Variants in ENPP7 observed in about 807,000 individuals in gnomAD.
The protein encoded by ENPP7 is ectonucleotide pyrophosphatase/phosphodiesterase 7, also known as ectonucleotide pyrophosphatase/phosphodiesterase family member 7.
ENPP7 carries 39 observed loss-of-function variants against 33.6 expected under a neutral mutation model. That is an observed-to-expected ratio of 1.16 (90% CI 0.90 to 1.52). The LOEUF (loss-of-function observed/expected upper bound fraction) is 1.52. Ranked by LOEUF, ENPP7 falls within the 40% of genes most tolerant of loss-of-function variation. ENPP7 has a pLI of 0.00. For synonymous variants in ENPP7, 244 were observed against 274.3 expected (o/e 0.89, Z 1.09); for missense variants, 594 against 641.0 (o/e 0.93, Z 0.79).
In ENPP7 at chr17:79,731,122, C is replaced by T; in HGVS notation, c.-18C>T. 1 of 1,599,016 alleles carries T rather than the reference C, an allele frequency of 6.3e-7. No homozygotes were observed. Among genetic ancestry groups the T allele is most frequent in the Non-Finnish European group, 8.5e-7 (1 of 1,175,100 alleles). On this transcript the variant is annotated 5_prime_UTR_variant, in exon 1 of 6. Transcript: ENST00000328313. ...AGCCCTGTGCACCCTGTGTGCCTGT[C>T]CATCTGGAAGGCCCAGCATGAGAGG...
chr17:79,732,536 G>A (rs9901412), intron 1 of ENPP7, among the ~76,000 whole-genome samples: 4,272 of 152,160 alleles, frequency 0.028, 191 homozygotes, highest in African/African-American at 0.096. Context: ...CACCCGGAAG[G>A]TTCCAGCAGA....
intron 1 of ENPP7, 61 bp from the exon 2 acceptor site, chr17:79,733,447 G>A: frequency 6.4e-7 from 1 of 1,564,016 alleles, no homozygotes. Context: ...CCAGCCCTGG[G>A]TCCGGCCTTC....
Position 79,741,936 on chromosome 17 carries a change from G to C in ENPP7, c.*159G>C, listed in dbSNP as rs1477932025. ...TCCCCGGCAGCGCCAACCCCTGCTT[G>C]GCTGTTATGGTGCTGGTAATAAGCC... On this transcript the variant is annotated 3_prime_UTR_variant, in exon 6 of 6. Transcript: ENST00000328313. The C allele has an allele frequency of 3.0e-6, 3 of 985,500 alleles. No individual in the cohort carries two copies. The highest frequency in any genetic ancestry group is 3.5e-5 in the African/African-American group (2 of 57,220). The allele number at this position is 985,500 out of a possible 1,614,324, so 61.0% of individuals were successfully genotyped here. A position where few individuals can be genotyped will look rare whatever the true frequency, so the allele number is the denominator to read the frequency against.
chr17:79,735,215 T>C lies in ENPP7; in HGVS notation c.572T>C (p.Val191Ala). The change falls in exon 3 of 6, where the codon GTC becomes GCC. Residue 191 changes from valine to alanine, a missense_variant. Val to Ala is a moderately conservative substitution (Grantham distance 64). Coordinates refer to ENST00000328313, the MANE Select transcript of ENPP7 (RefSeq NM_178543.5). This position sits in a 1 kb window ranked among gnomAD's most constrained non-coding sequence, Gnocchi z 5.5. ...AWFTEEDLDL[V>A]TLYFGEPDST... ...TTCACAGAGGAGGACCTGGATCTGG[T>C]CACACTCTACTTCGGGGAGCCGGAC... is the stretch of plus-strand genomic sequence containing the variant. The C allele has an allele frequency of 6.2e-7, 1 of 1,613,366 alleles. No homozygotes were observed. The highest frequency in any genetic ancestry group is 8.5e-7 in the Non-Finnish European group (1 of 1,180,004).
rs1555824269 is a variant in ENPP7 at position 79,739,748 on chromosome 17, A to G, written c.*16+1686A>G. On this transcript the variant is annotated intron_variant, in intron 5 of 5. Transcript: ENST00000328313. This position sits in a 1 kb window ranked among gnomAD's most constrained non-coding sequence, Gnocchi z 4.4. The stretch of plus-strand genomic sequence containing the variant: ...GCCAGGGATGCAGTTTAGTCTGGCA[A>G]TTTAAATTTGAGACTTGTCAACACA... Among the ~76,000 whole-genome samples the G allele has an allele frequency of 6.6e-6, 1 of 152,208 alleles. No individual in the cohort carries two copies. The highest frequency in any genetic ancestry group is 2.4e-5 in the African/African-American group (1 of 41,448).
Position 79,735,516 on chromosome 17 carries a change from G to C in ENPP7, c.873G>C (p.Gly291=). ...ACGGGATGCTGCTCCCTAAAGAAGG[G>C]AGGCTGGAGAAGGTGTACGATGCCC... The part of the protein sequence containing the change: ...GPNGMLLPKE[G]RLEKVYDALK... The change falls in exon 3 of 6, where the codon GGG becomes GGC. Residue 291 remains glycine, a synonymous_variant. Transcript: ENST00000328313. This position sits in a 1 kb window ranked among gnomAD's most constrained non-coding sequence, Gnocchi z 5.5. The C allele has an allele frequency of 6.2e-7, 1 of 1,614,052 alleles. No homozygotes were observed. The highest frequency in any genetic ancestry group is 8.5e-7 in the Non-Finnish European group (1 of 1,180,028).
At chr17:79,731,520 A>G in intron 1 of ENPP7, 128 bp downstream of exon 1, 1 of 1,189,578 alleles carries the variant, frequency 8.4e-7, no homozygotes, top group South Asian at 1.7e-5. Context: ...CAAGGGGACC[A>G]TTAGGAATCC....
rs975603071 is a variant in ENPP7 at position 79,734,456 on chromosome 17, G to T, written c.400-587G>T. 1.2e-4 allele frequency among the ~76,000 whole-genome samples: 18 copies of T among 151,252 alleles called. No individual in the cohort carries two copies. In the Middle Eastern group the frequency reaches 0.01, roughly 87 times the overall value. On this transcript the variant is annotated intron_variant, in intron 2 of 5. Coordinates refer to ENST00000328313, the MANE Select transcript of ENPP7 (RefSeq NM_178543.5). ...GGCAGGTGGGATGGACAGTGATGAG[G>T]CAGACACTGCGTATCTGGGAACATT...
At position 79,739,351 on chromosome 17, in the gene ENPP7, T is replaced by C. The variant is rs1195723238; in HGVS notation, c.*16+1289T>C. The C allele has an allele frequency of 1.3e-5, 2 of 152,288 alleles. No individual in the cohort carries two copies. The highest frequency in any genetic ancestry group is 3.8e-4 in the East Asian group (2 of 5,196). 9.4% of individuals were successfully genotyped at this position (152,288 alleles called of 1,614,324 possible). A position where few individuals can be genotyped will look rare whatever the true frequency, so the allele number is the denominator to read the frequency against. On this transcript the variant is annotated intron_variant, in intron 5 of 5. Transcript: ENST00000328313. This position sits in a 1 kb window ranked among gnomAD's most constrained non-coding sequence, Gnocchi z 4.4. ...GTTACACAGGGTCTGAGGTTGATGA[T>C]TAAATGAGTGGCTCCCACTGCTGGG...
Position 79,735,497 on chromosome 17 carries a change from T to C in ENPP7, c.854T>C (p.Met285Thr). 6.2e-7 allele frequency: 1 copy of C among 1,614,058 alleles called. No homozygotes were observed. Among genetic ancestry groups the C allele is most frequent in the African/African-American group, 1.3e-5 (1 of 75,026 alleles). ...CTCCTGGACTACGGACCAAACGGGA[T>C]GCTGCTCCCTAAAGAAGGGAGGCTG... ...FELLDYGPNG[M>T]LLPKEGRLEK... The change falls in exon 3 of 6, where the codon ATG becomes ACG. Residue 285 changes from methionine to threonine, a missense_variant. Transcript: ENST00000328313. This position sits in a 1 kb window ranked among gnomAD's most constrained non-coding sequence, Gnocchi z 5.5.
chr17:79,736,977 G>C, intron 3 of ENPP7, 64 bp from the exon 4 acceptor site: 1 of 1,406,156 alleles, frequency 7.1e-7, no homozygotes, highest in Non-Finnish European at 1.0e-6. Flanking sequence ...AGGGTGGATA[G>C]GGTAGGCGGA....
chr17:79,733,418 T>G, intron 1 of ENPP7, 90 bp from the exon 2 acceptor site: 1 of 1,355,536 alleles, frequency 7.4e-7, no homozygotes, highest in South Asian at 1.3e-5. Context: ...AAACCTGGGC[T>G]GTTTTGACTT....
intron 1 of ENPP7, among the ~76,000 whole-genome samples, chr17:79,732,149 T>TATATATATATATATATATATATACAC (rs1171801654): frequency 1.2e-3 from 42 of 34,130 alleles, no homozygotes; most frequent in African/African-American, 4.1e-3. Context: ...TATATATATA[T>TATATATATATATATATATATATACAC]ACACACACAT....
chr17:79,742,029 C>G lies in ENPP7; in HGVS notation c.*252C>G, dbSNP rs1905567710. The G allele has an allele frequency of 1.3e-6, 1 of 754,400 alleles. No homozygotes were observed. Among genetic ancestry groups the G allele is most frequent in the Admixed American group, 6.1e-5 (1 of 16,262 alleles). 46.7% of individuals were successfully genotyped at this position (754,400 alleles called of 1,614,324 possible). A position where few individuals can be genotyped will look rare whatever the true frequency, so the allele number is the denominator to read the frequency against. On this transcript the variant is annotated 3_prime_UTR_variant, in exon 6 of 6. Transcript: ENST00000328313. The stretch of plus-strand genomic sequence containing the variant: ...CCGGCCCCCTGCCCCTGCCCCTGCT[C>G]CTGCTCCTCCCCTTCGGGCCCCCTC...
At chr17:79,732,900 C>T (rs142671759) in intron 1 of ENPP7, among the ~76,000 whole-genome samples, 151,434 of 152,356 alleles carry the variant, frequency 0.99, 75,261 homozygotes, top group Middle Eastern at 1. Flanking sequence ...TAACCGCAAA[C>T]GGAGGTGTGC....
Position 79,738,104 on chromosome 17 carries a change from C to G in ENPP7, c.*16+42C>G. The G allele has an allele frequency of 1.3e-6, 2 of 1,580,156 alleles. No individual in the cohort carries two copies. Among genetic ancestry groups the G allele is most frequent in the South Asian group, 2.2e-5 (2 of 90,146 alleles). The stretch of plus-strand genomic sequence containing the variant: ...GCAGAGGCGGGAGGGTGGCCCCACG[C>G]TCCCTGACCCTCCACCCTGATGTCC... On this transcript the variant is annotated intron_variant, in intron 5 of 5. Transcript: ENST00000328313. The surrounding 1 kb of genome is among the most constrained non-coding windows in gnomAD (Gnocchi z 6.2).
intron 1 of ENPP7, among the ~76,000 whole-genome samples, chr17:79,732,132 G>GTATATATA (rs1260417941): frequency 1.0e-4 from 5 of 48,408 alleles, no homozygotes; most frequent in East Asian, 6.2e-4. Context: ...ATATATATAT[G>GTATATATA]TATATATATA....
In ENPP7 at chr17:79,739,666, C is replaced by G. The variant is rs55723552; in HGVS notation, c.*16+1604C>G. 11,884 of 152,330 alleles carry G rather than the reference C, an allele frequency of 0.078. 572 individuals carry two copies. Among genetic ancestry groups the G allele is most frequent in the South Asian group, 0.16 (752 of 4,818 alleles). 9.4% of individuals were successfully genotyped at this position (152,330 alleles called of 1,614,324 possible). A position where few individuals can be genotyped will look rare whatever the true frequency, so the allele number is the denominator to read the frequency against. On this transcript the variant is annotated intron_variant, in intron 5 of 5. Transcript: ENST00000328313. The surrounding 1 kb of genome is among the most constrained non-coding windows in gnomAD (Gnocchi z 4.4). Reference sequence around the variant, plus strand: ...TTTCGGCCGTGATCAGCCTCAATGCCGGCGACGCGGCCACGTGCAGCTGTT... The same window carrying G: ...TTTCGGCCGTGATCAGCCTCAATGCGGGCGACGCGGCCACGTGCAGCTGTT...
Position 79,730,958 on chromosome 17 carries a change from G to A in ENPP7, c.-182G>A, listed in dbSNP as rs2094283936. ...ATGCCACCCCACGCACGTGAGGCTG[G>A]GACCAGGGGTGGCACTGACACGGCT... On this transcript the variant is annotated 5_prime_UTR_variant, in exon 1 of 6. Transcript: ENST00000328313. 4 of 630,996 alleles carry A rather than the reference G, an allele frequency of 6.3e-6. No homozygotes were observed. The highest frequency in any genetic ancestry group is 2.8e-5 in the East Asian group (1 of 35,366). 39.1% of individuals were successfully genotyped at this position (630,996 alleles called of 1,614,324 possible).
Sources: allele counts gnomAD v4.1 joint callset (sites outside exome capture counted in the v4.1 genomes callset), GRCh38; gene constraint gnomAD v4.1.1; non-coding constraint Gnocchi (gnomAD v3.1); transcripts MANE v1.5; gene names NCBI Gene and HGNC (gene_info 2026-07-23, HGNC 2026-07-21).